DRD3: variants seen among roughly 807,000 people sequenced by gnomAD.
The protein encoded by DRD3 is D(3) dopamine receptor.
In DRD3, 19 loss-of-function variants were observed where a neutral mutation model predicts 36.3. The ratio of observed to expected loss-of-function variants is 0.52; its 90% CI spans 0.36 to 0.77. The LOEUF (loss-of-function observed/expected upper bound fraction) is 0.77, where lower values mean the gene tolerates loss of function less well. DRD3 is among the 30% of genes least tolerant of loss of function. The pLI, the probability that DRD3 is intolerant of heterozygous loss-of-function variation, is 0.00. For missense variants in DRD3, 465 were observed against 505.3 expected (o/e 0.92, Z 0.77); for synonymous variants, 195 against 203.7 (o/e 0.96, Z 0.36).
intron 5 of DRD3, among the ~76,000 whole-genome samples, chr3:114,134,795 A>G (rs1337752337): frequency 6.6e-6 from 1 of 152,112 alleles, no homozygotes; most frequent in African/African-American, 2.4e-5. Context: ...TTTCTTGAAG[A>G]TTTTAAAAAT....
rs116308985 is a variant in DRD3, at chr3:114,168,916, C to T, written c.270+2807G>A. On this transcript the variant is annotated intron_variant, in intron 2 of 6. Transcript: ENST00000383673. ...GGATGTGTTCAAATCAAAGCACATG[C>T]GGCTATGAATCTGGTGAATCTTTTG... is the stretch of plus-strand genomic sequence containing the variant. Among the ~76,000 whole-genome samples, 9 of 151,942 alleles carry T rather than the reference C, an allele frequency of 5.9e-5. No individual in the cohort carries two copies. In the East Asian group the frequency reaches 1.6e-3, roughly 26 times the overall value.
chr3:114,190,945 G>T (rs2078007865), intron 1 of DRD3, among the ~76,000 whole-genome samples: 1 of 152,142 alleles, frequency 6.6e-6, no homozygotes, highest in South Asian at 2.1e-4. Flanking sequence ...GCGGGGGATT[G>T]ATTTGGGCCT....
At chr3:114,134,669 CT>C (rs1389611133) in intron 5 of DRD3, among the ~76,000 whole-genome samples, 15 of 152,154 alleles carry the variant, frequency 9.9e-5, no homozygotes, top group Admixed American at 9.8e-4. Context: ...ATCCACCTAC[CT>C]CAGCCTCCCA....
At chr3:114,198,633 T>C (rs1424682614) in intron 1 of DRD3, among the ~76,000 whole-genome samples, 1 of 152,226 alleles carries the variant, frequency 6.6e-6, no homozygotes, top group East Asian at 1.9e-4. Context: ...TCTTTCTAAT[T>C]GGCTAGCTTT....
intron 2 of DRD3, among the ~76,000 whole-genome samples, chr3:114,171,477 G>A (rs557402931): frequency 6.6e-6 from 1 of 152,118 alleles, no homozygotes; most frequent in South Asian, 2.1e-4. Context: ...CTCAAATCCA[G>A]TCACCTGAAC....
intron 2 of DRD3, among the ~76,000 whole-genome samples, chr3:114,161,965 A>G (rs1011388990): frequency 4.6e-5 from 7 of 152,232 alleles, no homozygotes; most frequent in African/African-American, 1.7e-4. Flanking sequence ...GGGCTAGAGT[A>G]GGTGAGAAAG....
intron 4 of DRD3, among the ~76,000 whole-genome samples, chr3:114,146,433 G>T (rs2077570129): frequency 1.3e-5 from 2 of 152,060 alleles, no homozygotes; most frequent in Non-Finnish European, 2.9e-5. Context: ...AATTACTGAG[G>T]CTGGCCGAAC....
At chr3:114,181,060 G>T (rs909031912), upstream of DRD3, among the ~76,000 whole-genome samples, 2 of 152,170 alleles carry the variant, frequency 1.3e-5, no homozygotes, top group Admixed American at 6.5e-5. Context: ...GAATGTAGTA[G>T]GAAGAACCCT....
chr3:114,159,360 C>T lies in DRD3; in HGVS notation c.383+395G>A, dbSNP rs573480196. Reference sequence around the variant, plus strand: ...TCTCTCTCCCACCTTCTCTCCATCTCTCCCTTCAACAAAAACAAACAAAAC... The same window carrying T: ...TCTCTCTCCCACCTTCTCTCCATCTTTCCCTTCAACAAAAACAAACAAAAC... On this transcript the variant is annotated intron_variant, in intron 3 of 6. Transcript: ENST00000383673. Among the ~76,000 whole-genome samples, 1,101 of 151,946 alleles carry T rather than the reference C, an allele frequency of 7.2e-3. 10 individuals are homozygous for T. Among genetic ancestry groups the T allele is most frequent in the Non-Finnish European group, 0.011 (771 of 67,950 alleles).
intron 2 of DRD3, among the ~76,000 whole-genome samples, chr3:114,161,397 T>C (rs1276119379): frequency 1.3e-5 from 2 of 152,230 alleles, no homozygotes; most frequent in East Asian, 1.9e-4. Context: ...TTAGTGTTCA[T>C]TTCTGTTTTA....
At chr3:114,129,371 C>T (rs2077406943) in intron 6 of DRD3, among the ~76,000 whole-genome samples, 1 of 151,934 alleles carries the variant, frequency 6.6e-6, no homozygotes, top group African/African-American at 2.4e-5. Context: ...CAAAAAAAAC[C>T]CAACCCTATG....
intron 1 of DRD3, among the ~76,000 whole-genome samples, chr3:114,193,441 T>A (rs1405850345): frequency 6.6e-6 from 1 of 152,106 alleles, no homozygotes; most frequent in African/African-American, 2.4e-5. Flanking sequence ...ATCCATGGGG[T>A]CAGAGACAGC....
chr3:114,128,776 C>T lies in DRD3; in HGVS notation c.1143G>A (p.Val381=). 3 of 1,613,670 alleles carry T rather than the reference C, an allele frequency of 1.9e-6. No homozygotes were observed. Among genetic ancestry groups the T allele is most frequent in the Non-Finnish European group, 2.5e-6 (3 of 1,179,866 alleles). ...LGYVNSALNP[V]IYTTFNIEFR... ...ACTCGATATTGAAGGTGGTATAGATCACAGGGTTGAGGGCGCTATTCACGT... is the reference window on the plus strand; with the variant it reads ...ACTCGATATTGAAGGTGGTATAGATTACAGGGTTGAGGGCGCTATTCACGT... Residue 381 remains valine, a synonymous_variant, in exon 7 of 7, where the codon GTG becomes GTA. Transcript: ENST00000383673.
chr3:114,155,669 C>T (rs757915678), intron 3 of DRD3, among the ~76,000 whole-genome samples: 7 of 151,816 alleles, frequency 4.6e-5, no homozygotes, highest in Non-Finnish European at 1.0e-4. Flanking sequence ...ATTTCCACAC[C>T]CTTGCGCAGG....
chr3:114,168,566 T>C (rs1033717190), intron 2 of DRD3, among the ~76,000 whole-genome samples: 9 of 152,050 alleles, frequency 5.9e-5, no homozygotes, highest in African/African-American at 2.2e-4. Flanking sequence ...GCTCTCTCTC[T>C]CTCTCTCTCT....
Position 114,147,494 on chromosome 3 carries a change from G to C in DRD3, c.447C>G (p.Arg149=). 1 of 1,614,092 alleles carries C rather than the reference G, an allele frequency of 6.2e-7. No individual in the cohort carries two copies. The highest frequency in any genetic ancestry group is 8.5e-7 in the Non-Finnish European group (1 of 1,180,022). The change falls in exon 4 of 7, where the codon CGC becomes CGG. Residue 149 remains arginine (R), a synonymous_variant. Transcript: ENST00000383673. ...QHGTGQSSCR[R]VALMITAVWV... ...AGACGGCCGTGATCATGAGGGCCAC[G>C]CGCCGACAGGAGCTCTGTCCCGTGC...
intron 4 of DRD3, among the ~76,000 whole-genome samples, chr3:114,145,795 TATATC>T (rs2077565168): frequency 6.6e-6 from 1 of 152,216 alleles, no homozygotes; most frequent in Non-Finnish European, 1.5e-5. Flanking sequence ...CATATAGTAA[TATATC>T]ATATATTGTA....
Position 114,139,554 on chromosome 3 carries a change from G to T in DRD3, c.669C>A (p.Ile223=). The T allele has an allele frequency of 6.2e-7, 1 of 1,614,136 alleles. No individual in the cohort carries two copies. The highest frequency in any genetic ancestry group is 8.5e-7 in the Non-Finnish European group (1 of 1,180,022). The change falls in exon 5 of 7, where the codon ATC becomes ATA. Residue 223 remains isoleucine (I), a synonymous_variant. Transcript: ENST00000383673. ...TGCACTGACTGTTCTGTCGAGTGAG[G>T]ATCCTTTTCCGTCTCCTTTGTTTCA... ...VVLKQRRRKR[I]LTRQNSQCNS...
intron 1 of DRD3, among the ~76,000 whole-genome samples, chr3:114,196,777 G>A (rs1322713011): frequency 6.6e-6 from 1 of 152,040 alleles, no homozygotes; most frequent in Non-Finnish European, 1.5e-5. Flanking sequence ...CCATATCTTT[G>A]TGTTAGTGTA....
Sources: allele counts gnomAD v4.1 joint callset (sites outside exome capture counted in the v4.1 genomes callset), GRCh38; gene constraint gnomAD v4.1.1; transcripts MANE v1.5; gene names NCBI Gene and HGNC (gene_info 2026-07-23, HGNC 2026-07-21).